ESYT2: variants seen among roughly 807,000 people sequenced by gnomAD.
The protein encoded by ESYT2 is extended synaptotagmin 2.
Under a neutral mutation model 107.2 loss-of-function variants are expected in ESYT2, and 54 were observed. That is an observed-to-expected ratio of 0.50 (90% CI 0.40 to 0.63). The LOEUF (loss-of-function observed/expected upper bound fraction) is 0.63. Among genes scored for constraint, ESYT2 ranks in the 30% least tolerant of loss-of-function variants. The pLI is 0.00. For synonymous variants in ESYT2, 491 were observed against 434.1 expected, an observed-to-expected ratio of 1.13 and a Z score of -1.63; for missense variants, 1,020 against 1,094.5, an observed-to-expected ratio of 0.93 and a Z score of 0.96.
At chr7:158,798,485 A>C (rs1282082493) in intron 2 of ESYT2, among the ~76,000 whole-genome samples, 7 of 151,792 alleles carry the variant, frequency 4.6e-5, no homozygotes, top group Non-Finnish European at 2.9e-5. Context: ...CATCTCTACT[A>C]AAAATACAAA....
chr7:158,826,623 C>T (rs1254507192), intron 1 of ESYT2, among the ~76,000 whole-genome samples: 2 of 150,730 alleles, frequency 1.3e-5, no homozygotes, highest in African/African-American at 4.9e-5. Context: ...GAGATCGAGA[C>T]CATCCTGGCC....
At chr7:158,761,441 AG>A in intron 11 of ESYT2, 54 bp downstream of exon 11, 2 of 1,551,184 alleles carry the variant, frequency 1.3e-6, no homozygotes, top group Non-Finnish European at 1.8e-6. Flanking sequence ...CCTCTGGCAC[AG>A]GGCAGGGACT....
chr7:158,735,401 C>T (rs1298409905), intron 21 of ESYT2, 102 bp downstream of exon 21: 30 of 867,118 alleles, frequency 3.5e-5, no homozygotes, highest in South Asian at 1.1e-4. Flanking sequence ...CTCGTAAGTT[C>T]GCCCCTTCCA....
intron 16 of ESYT2, among the ~76,000 whole-genome samples, chr7:158,747,779 C>T (rs1837453390): frequency 6.6e-6 from 1 of 152,134 alleles, no homozygotes; most frequent in Admixed American, 6.5e-5. Flanking sequence ...TAGGTCTAAA[C>T]CGGAAAGAAC....
rs181967245 is a variant in ESYT2, at chr7:158,822,484, C to T, written c.330+6605G>A. On this transcript the variant is annotated intron_variant, in intron 1 of 22. Coordinates refer to ENST00000275418, the MANE Select transcript of ESYT2 (RefSeq NM_001367773.1). Reference sequence around the variant, plus strand: ...CGTGTTTAAGGGACTATTAGAGGCCCGAGGTGGTGGCTCACACCTGTAATC... The same window carrying T: ...CGTGTTTAAGGGACTATTAGAGGCCTGAGGTGGTGGCTCACACCTGTAATC... 4.7e-4 allele frequency among the ~76,000 whole-genome samples: 72 copies of T among 152,190 alleles called. 2 individuals carry two copies. In the East Asian group the frequency reaches 0.013, roughly 26 times the overall value.
intron 18 of ESYT2, among the ~76,000 whole-genome samples, chr7:158,740,296 C>G (rs1837145482): frequency 6.6e-6 from 1 of 152,198 alleles, no homozygotes; most frequent in Non-Finnish European, 1.5e-5. Flanking sequence ...TGCTTCCGGG[C>G]CTGTCAGGCT....
At chr7:158,768,852 G>A (rs979527971) in intron 7 of ESYT2, among the ~76,000 whole-genome samples, 3 of 152,206 alleles carry the variant, frequency 2.0e-5, no homozygotes, top group Non-Finnish European at 4.4e-5. Flanking sequence ...AACACAGAGC[G>A]AGACCCCTCA....
At chr7:158,801,995 G>T (rs549577773) in intron 1 of ESYT2, among the ~76,000 whole-genome samples, 1 of 152,028 alleles carries the variant, frequency 6.6e-6, no homozygotes, top group African/African-American at 2.4e-5. Flanking sequence ...AAAACGCCTC[G>T]GGGGAACAGG....
At chr7:158,780,337 C>G (rs574427207) in intron 6 of ESYT2, among the ~76,000 whole-genome samples, 3 of 152,262 alleles carry the variant, frequency 2.0e-5, no homozygotes, top group Non-Finnish European at 2.9e-5. Flanking sequence ...AGATCTTTCT[C>G]GCCACTATCA....
intron 13 of ESYT2, among the ~76,000 whole-genome samples, chr7:158,755,495 T>C (rs77357912): frequency 2.8e-3 from 427 of 152,280 alleles, no homozygotes; most frequent in Middle Eastern, 6.8e-3. Flanking sequence ...AAAAGCAACT[T>C]GGAAAAGCTA....
chr7:158,789,216 T>C (rs1029632535), intron 4 of ESYT2, among the ~76,000 whole-genome samples: 37 of 152,344 alleles, frequency 2.4e-4, no homozygotes, highest in African/African-American at 8.4e-4. Context: ...TCTTCCAATA[T>C]TTATTGTCCT....
In ESYT2 at chr7:158,793,655, C is replaced by G; in HGVS notation, c.579G>C (p.Gln193His). Residue 193 changes from glutamine to histidine, a missense_variant, in exon 4 of 23, where the codon CAG (glutamine) becomes CAC (histidine). Transcript: ENST00000275418. The stretch of plus-strand genomic sequence containing the variant: ...TATAACAAATAAAAACTTACCTAAT[C>G]TGAAGGTCCAAAATAATTTGCCTTT... Reference protein sequence around the residue: ...VDKRQIILDLQISFVGNCEID... With the variant: ...VDKRQIILDLHISFVGNCEID... 6.2e-7 allele frequency: 1 copy of G among 1,609,024 alleles called. No homozygotes were observed.
chr7:158,807,807 A>G (rs1428569172), intron 1 of ESYT2, among the ~76,000 whole-genome samples: 4 of 152,334 alleles, frequency 2.6e-5, no homozygotes, highest in East Asian at 1.9e-4. Context: ...TTTGAATTTC[A>G]TAACATTTTC....
At chr7:158,810,173 C>A in intron 1 of ESYT2, among the ~76,000 whole-genome samples, 1 of 152,148 alleles carries the variant, frequency 6.6e-6, no homozygotes, top group Non-Finnish European at 1.5e-5. Context: ...TCTACCCACA[C>A]GTATATATGC....
intron 13 of ESYT2, 61 bp from the exon 14 acceptor site, chr7:158,752,904 G>T: frequency 8.9e-7 from 1 of 1,127,862 alleles, no homozygotes; most frequent in Non-Finnish European, 1.2e-6. Context: ...TGAAGTTTAT[G>T]TAAGGTTAAA....
chr7:158,737,089 T>C lies in ESYT2; in HGVS notation c.2358A>G (p.Thr786=), dbSNP rs753130973. Residue 786 remains threonine (T), a synonymous_variant, in exon 20 of 23, where the codon ACA becomes ACG. Transcript: ENST00000275418. ...PDKRRSGRRK[T]HVSKKTLNPV... ...GATTTAATGTTTTCTTTGACACGTG[T>C]GTTTTCCTCCTTCCTGACCGCCTCT... 6.2e-7 allele frequency: 1 copy of C among 1,613,998 alleles called. No individual in the cohort carries two copies.
intron 1 of ESYT2, among the ~76,000 whole-genome samples, chr7:158,818,921 C>A (rs1174643581): frequency 6.6e-6 from 1 of 152,252 alleles, no homozygotes; most frequent in Non-Finnish European, 1.5e-5. Flanking sequence ...CACAGAAGGG[C>A]AGCCCCACTC....
At position 158,739,169 on chromosome 7, in the gene ESYT2, CGTT is replaced by C. The variant is rs1837096153; in HGVS notation, c.2169-51_2169-49del. 6 of 1,522,744 alleles carry C rather than the reference CGTT, an allele frequency of 3.9e-6. No individual in the cohort carries two copies. In the East Asian group the frequency reaches 1.1e-4, roughly 29 times the overall value. 94.3% of individuals were successfully genotyped at this position (1,522,744 alleles called of 1,614,324 possible). ...CACCAGCTTGCCTGAGACTGGAGAA[CGTT>C]GTGATTCATTGGTCCACTGTACACG... On this transcript the variant is annotated intron_variant, in intron 18 of 22. Transcript: ENST00000275418.
intron 1 of ESYT2, among the ~76,000 whole-genome samples, chr7:158,820,525 G>A (rs181124112): frequency 1.8e-3 from 276 of 152,298 alleles, no homozygotes; most frequent in African/African-American, 2.9e-3. Context: ...AGTGGCTCAC[G>A]CCTGTATTCC....
Sources: gnomAD v4.1 joint callset for allele counts (sites outside exome capture counted in the v4.1 genomes callset) on GRCh38, gnomAD v4.1.1 for gene constraint, MANE v1.5 for transcripts, NCBI Gene and HGNC (gene_info 2026-07-23, HGNC 2026-07-21) for gene names.